The following MRTFB variants were observed in gnomAD, a reference collection of about 807,000 sequenced individuals.
The protein encoded by MRTFB is myocardin related transcription factor B, also known as myocardin-related transcription factor B.
Under a neutral mutation model 104.2 loss-of-function variants are expected in MRTFB, and 29 were observed. That is an observed-to-expected ratio of 0.28 (90% CI 0.21 to 0.38). The LOEUF is 0.38. MRTFB is among the 10% of genes least tolerant of loss of function. The probability of loss-of-function intolerance (pLI) is 1.00; values close to 1 mark genes in which losing one functional copy is unlikely to be tolerated. For synonymous variants in MRTFB, 535 were observed against 519.5 expected (o/e 1.03, Z -0.41); for missense variants, 1,270 against 1,341.6 (o/e 0.95, Z 0.83).
chr16:14,004,084 G>A, the MRTFB span, among the ~76,000 whole-genome samples: 3 of 152,182 alleles, frequency 2.0e-5, no homozygotes, highest in South Asian at 2.1e-4. Context: ...GTGGGAGGCA[G>A]GCAGGGACTG....
chr16:14,234,077 T>C, intron 8 of MRTFB, 69 bp from the exon 9 acceptor site: 1 of 1,567,646 alleles, frequency 6.4e-7, no homozygotes, highest in Non-Finnish European at 8.7e-7. Flanking sequence ...CATTCCCTTG[T>C]AATTCTAATT....
At chr16:14,094,943 CACTG>C (rs2035279583) in intron 2 of MRTFB, among the ~76,000 whole-genome samples, 1 of 152,170 alleles carries the variant, frequency 6.6e-6, no homozygotes, top group Non-Finnish European at 1.5e-5. Flanking sequence ...GTATGATAAA[CACTG>C]ACATTTCCTA....
rs555728515 is a variant in MRTFB, at chr16:14,252,005, A to G, written c.2547A>G (p.Gly849=). 1.9e-6 allele frequency: 3 copies of G among 1,614,112 alleles called. No homozygotes were observed. The Admixed American group carries it at 5.0e-5, about 27-fold the overall frequency. The change falls in exon 14 of 17, where the codon GGA becomes GGG. Residue 849 remains glycine (G), a synonymous_variant. Transcript: ENST00000571589. ...RNAPLPSLQN[G]PNTPNKPSSP... ...CTCCGCTTCCATCCCTGCAAAATGG[A>G]CCTAACACACCCAACAAGGTAACCC... is the stretch of plus-strand genomic sequence containing the variant.
intron 8 of MRTFB, among the ~76,000 whole-genome samples, chr16:14,226,935 G>A (rs1045941746): frequency 6.6e-6 from 1 of 151,778 alleles, no homozygotes; most frequent in Non-Finnish European, 1.5e-5. Flanking sequence ...AGCTATGAAA[G>A]CACCACTGCA....
At position 14,120,149 on chromosome 16, in the gene MRTFB, T is replaced by A. The variant is rs865787996; in HGVS notation, c.-63-20395T>A. Among the ~76,000 whole-genome samples the A allele has an allele frequency of 9.9e-5, 15 of 152,222 alleles. No individual in the cohort carries two copies. The South Asian group carries it at 3.1e-3, about 31-fold the overall frequency. On this transcript the variant is annotated intron_variant, in intron 2 of 16. Coordinates refer to ENST00000571589, the MANE Select transcript of MRTFB (RefSeq NM_001308142.2). ...TTTCTTTTGTATGTTCTTTTTCTTATGTATGTTTATATCCTTATATATCTC... is the reference window on the plus strand; with the variant it reads ...TTTCTTTTGTATGTTCTTTTTCTTAAGTATGTTTATATCCTTATATATCTC...
intron 3 of MRTFB, among the ~76,000 whole-genome samples, chr16:14,203,804 GAAAAAAAAAAA>G (rs908323645): frequency 2.1e-4 from 10 of 46,574 alleles, no homozygotes; most frequent in Admixed American, 7.3e-4. Context: ...ACTCTGTCTC[GAAAAAAAAAAA>G]AAAAAAAAAA....
At chr16:14,127,933 T>A (rs1054230113) in intron 2 of MRTFB, among the ~76,000 whole-genome samples, 2,335 of 40,432 alleles carry the variant, frequency 0.058, 4 homozygotes, top group Non-Finnish European at 0.067. Flanking sequence ...ATATATATTT[T>A]TTTTTTTTTT....
chr16:14,222,146 CTA>C (rs370101411), intron 8 of MRTFB, among the ~76,000 whole-genome samples: 8 of 152,262 alleles, frequency 5.3e-5, no homozygotes, highest in African/African-American at 1.7e-4. Flanking sequence ...CATCAAATTT[CTA>C]TATGACTTTC....
chr16:14,186,352 CG>C (rs2039952124), intron 3 of MRTFB, among the ~76,000 whole-genome samples: 1 of 152,168 alleles, frequency 6.6e-6, no homozygotes. Context: ...CCTAGACTGC[CG>C]TTTGTGTAGC....
intron 8 of MRTFB, among the ~76,000 whole-genome samples, chr16:14,226,989 A>C (rs1597309916): frequency 6.6e-6 from 1 of 152,160 alleles, no homozygotes; most frequent in African/African-American, 2.4e-5. Flanking sequence ...CTTAAAAAAA[A>C]AAGAAACAAG....
intron 2 of MRTFB, among the ~76,000 whole-genome samples, chr16:14,111,295 A>G (rs2036254126): frequency 6.6e-6 from 1 of 152,204 alleles, no homozygotes; most frequent in African/African-American, 2.4e-5. Flanking sequence ...TTAAACATGC[A>G]GAGATTTTGA....
chr16:14,059,480 G>A, the MRTFB span, among the ~76,000 whole-genome samples: 1 of 152,068 alleles, frequency 6.6e-6, no homozygotes, highest in African/African-American at 2.4e-5. Flanking sequence ...TAAGTGTTAG[G>A]ATGCTAGTCA....
chr16:14,193,789 C>T (rs1018683820), intron 3 of MRTFB: 13 of 152,166 alleles, frequency 8.5e-5, no homozygotes, highest in African/African-American at 3.1e-4. Flanking sequence ...GAAAAAGGCA[C>T]ATCAAAATTA....
chr16:14,074,507 T>G (rs2033917881), intron 1 of MRTFB, among the ~76,000 whole-genome samples: 1 of 152,128 alleles, frequency 6.6e-6, no homozygotes, highest in African/African-American at 2.4e-5. Flanking sequence ...TATCTCTGAT[T>G]TGTAATTAAG....
At chr16:14,035,289 G>A in the MRTFB span, among the ~76,000 whole-genome samples, 1 of 152,196 alleles carries the variant, frequency 6.6e-6, no homozygotes, top group Non-Finnish European at 1.5e-5. Flanking sequence ...GAGAGGCACA[G>A]CCAGGAGGTG....
At chr16:14,091,590 T>G (rs887404823) in intron 2 of MRTFB, among the ~76,000 whole-genome samples, 3 of 152,130 alleles carry the variant, frequency 2.0e-5, no homozygotes, top group African/African-American at 7.2e-5. Context: ...TGAGAGTTCC[T>G]GGAAGAAGTG....
At chr16:14,240,793 G>GT (rs746959259) in intron 10 of MRTFB, 13 of 755,218 alleles carry the variant, frequency 1.7e-5, no homozygotes, top group South Asian at 5.5e-5. Context: ...TGAGAAAAGC[G>GT]TAAGTAGTAT....
intron 8 of MRTFB, among the ~76,000 whole-genome samples, chr16:14,224,142 C>T (rs2041886161): frequency 6.6e-6 from 1 of 152,142 alleles, no homozygotes; most frequent in Non-Finnish European, 1.5e-5. Context: ...AACCAGATCC[C>T]ATGAGAACTC....
chr16:14,158,754 T>C (rs776938547), intron 3 of MRTFB, among the ~76,000 whole-genome samples: 27 of 152,176 alleles, frequency 1.8e-4, no homozygotes, highest in Non-Finnish European at 3.5e-4. Flanking sequence ...AGACATTCTA[T>C]AGTCAACCAT....
Sources: gnomAD v4.1 joint callset for allele counts (sites outside exome capture counted in the v4.1 genomes callset) on GRCh38, gnomAD v4.1.1 for gene constraint, MANE v1.5 for transcripts, NCBI Gene and HGNC (gene_info 2026-07-23, HGNC 2026-07-21) for gene names.